DSCAM: variants seen among roughly 807,000 people sequenced by gnomAD.
DSCAM encodes DS cell adhesion molecule.
Under a neutral mutation model 217.7 loss-of-function variants are expected in DSCAM, and 47 were observed. That is an observed-to-expected ratio of 0.22 (90% CI 0.17 to 0.28). The LOEUF (loss-of-function observed/expected upper bound fraction) is 0.28, where lower values mean the gene tolerates loss of function less well. Among genes scored for constraint, DSCAM ranks in the 10% least tolerant of loss-of-function variants. The probability of loss-of-function intolerance (pLI) is 1.00; values close to 1 mark genes in which losing one functional copy is unlikely to be tolerated. For missense variants in DSCAM, 2,080 were observed against 2,618.3 expected (o/e 0.79, Z 4.49); for synonymous variants, 1,056 against 1,015.3 (o/e 1.04, Z -0.76).
At chr21:40,498,668 C>CATATATATATATATATATAT in intron 3 of DSCAM, among the ~76,000 whole-genome samples, 1 of 28,536 alleles carries the variant, frequency 3.5e-5, no homozygotes, top group South Asian at 1.6e-3. Context: ...TATATATACC[C>CATATATATATATATATATAT]ATATATATAT....
intron 1 of DSCAM, among the ~76,000 whole-genome samples, chr21:40,843,019 G>C (rs1235451630): frequency 2.0e-5 from 3 of 152,194 alleles, no homozygotes; most frequent in Non-Finnish European, 2.9e-5. Context: ...AGATGGGGGA[G>C]AAAGGGAAGT....
chr21:40,661,904 T>C (rs1187848942), intron 3 of DSCAM, among the ~76,000 whole-genome samples: 3 of 152,234 alleles, frequency 2.0e-5, no homozygotes, highest in Non-Finnish European at 4.4e-5. Flanking sequence ...GTAAATAATA[T>C]AGTAAATTAA....
rs547643427 is a variant in DSCAM, at chr21:40,059,885, TTC to T, written c.4919+2982_4919+2983del. ...GACCAGGGGTAGCTGTTCAGTATCTTTCTCTCTGCCAGTGGACATGATTTGTC... is the reference window on the plus strand; with the variant it reads ...GACCAGGGGTAGCTGTTCAGTATCTTTCTCTGCCAGTGGACATGATTTGTC... On this transcript the variant is annotated intron_variant, in intron 28 of 32. Transcript: ENST00000400454. Among the ~76,000 whole-genome samples the T allele has an allele frequency of 3.2e-4, 48 of 152,272 alleles. 1 individual carries two copies. Among genetic ancestry groups the T allele is most frequent in the African/African-American group, 1.0e-3 (43 of 41,554 alleles).
At chr21:40,620,347 G>C (rs1263969719) in intron 3 of DSCAM, among the ~76,000 whole-genome samples, 1 of 121,246 alleles carries the variant, frequency 8.2e-6, no homozygotes, top group East Asian at 2.4e-4. Flanking sequence ...GAAAGAAAGA[G>C]AAAGAGAGAG....
At chr21:40,836,817 A>T (rs1035816704) in intron 1 of DSCAM, among the ~76,000 whole-genome samples, 1 of 152,214 alleles carries the variant, frequency 6.6e-6, no homozygotes, top group Non-Finnish European at 1.5e-5. Flanking sequence ...AAACATGGAA[A>T]CCATAACTTG....
chr21:40,495,676 C>A (rs897625887), intron 3 of DSCAM, among the ~76,000 whole-genome samples: 1 of 151,930 alleles, frequency 6.6e-6, no homozygotes, highest in African/African-American at 2.4e-5. Context: ...GAAGTCCTAA[C>A]TGGAGAAATT....
intron 1 of DSCAM, among the ~76,000 whole-genome samples, chr21:40,841,012 A>G (rs1056928551): frequency 6.6e-6 from 1 of 152,198 alleles, no homozygotes; most frequent in African/African-American, 2.4e-5. Flanking sequence ...ATTTCAGACT[A>G]TGGAGGCTCC....
chr21:40,624,135 T>C (rs2089565384), intron 3 of DSCAM, among the ~76,000 whole-genome samples: 1 of 152,236 alleles, frequency 6.6e-6, no homozygotes, highest in Non-Finnish European at 1.5e-5. Context: ...CACAGAATGT[T>C]GTATCAATCA....
intron 11 of DSCAM, among the ~76,000 whole-genome samples, chr21:40,274,997 A>C (rs1365986381): frequency 6.6e-6 from 1 of 152,046 alleles, no homozygotes; most frequent in East Asian, 1.9e-4. Context: ...GACTTTTCCA[A>C]ACTATCCATA....
intron 3 of DSCAM, among the ~76,000 whole-genome samples, chr21:40,467,506 G>T (rs1341487408): frequency 6.6e-6 from 1 of 152,174 alleles, no homozygotes; most frequent in Non-Finnish European, 1.5e-5. Flanking sequence ...TTAGAAGTAT[G>T]AATGATGGCA....
chr21:40,685,146 T>G (rs1160093181), intron 3 of DSCAM, among the ~76,000 whole-genome samples: 1 of 152,214 alleles, frequency 6.6e-6, no homozygotes, highest in Non-Finnish European at 1.5e-5. Context: ...TTCTCCAGCA[T>G]TTCATGATGA....
Position 40,347,781 on chromosome 21 carries a change from G to A in DSCAM, c.1099C>T (p.His367Tyr). The A allele has an allele frequency of 6.2e-7, 1 of 1,614,174 alleles. No individual in the cohort carries two copies. The highest frequency in any genetic ancestry group is 1.1e-5 in the South Asian group (1 of 91,086). Residue 367 changes from histidine to tyrosine, a missense_variant, in exon 6 of 33, where the codon CAC becomes TAC. This residue lies in a region of DSCAM where 568 missense variants were observed against 678.1 expected (regional missense o/e 0.84). Transcript: ENST00000400454. Reference sequence around the variant, plus strand: ...ATGTGATCCATTATAAGGTTTTCGTGGTTGATCCCTGTGATCCTCACATTT... The same window carrying A: ...ATGTGATCCATTATAAGGTTTTCGTAGTTGATCCCTGTGATCCTCACATTT... ...GKNVRITGIN[H>Y]ENLIMDHMVK... is the part of the protein sequence containing the mutation.
intron 20 of DSCAM, among the ~76,000 whole-genome samples, chr21:40,122,420 T>C (rs754839104): frequency 1.3e-5 from 2 of 152,174 alleles, no homozygotes; most frequent in African/African-American, 4.8e-5. Context: ...AGCAAAGAGA[T>C]CAATGAATGA....
rs1406604835 is a variant in DSCAM at position 40,614,943 on chromosome 21, GTTT to G, written c.508+77864_508+77866del. Among the ~76,000 whole-genome samples, 13 of 151,554 alleles carry G rather than the reference GTTT, an allele frequency of 8.6e-5. No individual in the cohort carries two copies. The East Asian group carries it at 1.7e-3, about 20-fold the overall frequency. The stretch of plus-strand genomic sequence containing the variant: ...GCCACATGTATAAATATATATTTAT[GTTT>G]TTATTATATATTTTATATACATTAT... On this transcript the variant is annotated intron_variant, in intron 3 of 32. Transcript: ENST00000400454.
rs554783928 is a variant in DSCAM at position 40,547,872 on chromosome 21, C to T, written c.508+144938G>A. Among the ~76,000 whole-genome samples the T allele has an allele frequency of 7.2e-5, 11 of 152,282 alleles. No homozygotes were observed. The East Asian group carries it at 1.7e-3, about 24-fold the overall frequency. ...TTGCTGAGAAAGGCAGGGAGCAAGA[C>T]GAAGGCAGGCAGGCAGCATTTCCTC... is the stretch of plus-strand genomic sequence containing the variant. On this transcript the variant is annotated intron_variant, in intron 3 of 32. Transcript: ENST00000400454.
intron 5 of DSCAM, among the ~76,000 whole-genome samples, chr21:40,349,317 G>A (rs1057377214): frequency 3.3e-4 from 47 of 143,970 alleles, no homozygotes; most frequent in Admixed American, 2.8e-3. Flanking sequence ...CAATTGTGAG[G>A]AAAAAAAAAA....
chr21:40,508,067 T>C (rs982195075), intron 3 of DSCAM, among the ~76,000 whole-genome samples: 1 of 152,182 alleles, frequency 6.6e-6, no homozygotes, highest in Non-Finnish European at 1.5e-5. Context: ...AGAGTATGTT[T>C]AATCTGGTTG....
At chr21:40,246,297 A>G (rs1325585959) in intron 11 of DSCAM, among the ~76,000 whole-genome samples, 3 of 147,164 alleles carry the variant, frequency 2.0e-5, no homozygotes, top group African/African-American at 5.1e-5. Flanking sequence ...CAGGTGAATC[A>G]AATGAGGTCA....
At chr21:40,470,331 T>C (rs905001040) in intron 3 of DSCAM, among the ~76,000 whole-genome samples, 8 of 152,234 alleles carry the variant, frequency 5.3e-5, no homozygotes, top group African/African-American at 9.6e-5. Flanking sequence ...TTAAAGAACC[T>C]TGGATCCTAA....
Sources: gnomAD v4.1 joint callset for allele counts (sites outside exome capture counted in the v4.1 genomes callset) on GRCh38, gnomAD v4.1.1 for gene constraint, gnomAD v4.1.1 regional missense constraint, MANE v1.5 for transcripts, NCBI Gene and HGNC (gene_info 2026-07-23, HGNC 2026-07-21) for gene names.